The following MARCHF1 variants were observed in gnomAD, a reference collection of about 807,000 sequenced individuals.
MARCHF1 encodes the protein membrane associated ring-CH-type finger 1.
In MARCHF1, 40 loss-of-function variants were observed where a neutral mutation model predicts 54.2. That is an observed-to-expected ratio of 0.74 (90% CI 0.57 to 0.96). The LOEUF is 0.96. Among genes scored for constraint, MARCHF1 ranks in the 40% least tolerant of loss-of-function variants. The pLI, the probability that MARCHF1 is intolerant of heterozygous loss-of-function variation, is 0.00. For missense variants in MARCHF1, 586 were observed against 656.5 expected (o/e 0.89, Z 1.17); for synonymous variants, 236 against 236.3 (o/e 1.00, Z 0.01).
intron 3 of MARCHF1, among the ~76,000 whole-genome samples, chr4:163,885,556 T>A (rs1750511426): frequency 6.6e-6 from 1 of 152,146 alleles, no homozygotes; most frequent in African/African-American, 2.4e-5. Context: ...TTGAAAGATG[T>A]TTCCTGTCCT....
chr4:164,349,171 G>A (rs958666874), intron 1 of MARCHF1, among the ~76,000 whole-genome samples: 1 of 152,118 alleles, frequency 6.6e-6, no homozygotes, highest in Non-Finnish European at 1.5e-5. Context: ...GATCTGCCCT[G>A]ACTCATAAGT....
At chr4:163,797,455 C>T (rs930254403) in intron 4 of MARCHF1, among the ~76,000 whole-genome samples, 4 of 151,882 alleles carry the variant, frequency 2.6e-5, no homozygotes, top group African/African-American at 7.3e-5. Flanking sequence ...AATATTATCT[C>T]TTCAAGTATT....
chr4:163,950,187 TCACAGTGCC>T (rs1448553013), intron 3 of MARCHF1, among the ~76,000 whole-genome samples: 1 of 152,146 alleles, frequency 6.6e-6, no homozygotes, highest in East Asian at 1.9e-4. Context: ...TAACTTGTCA[TCACAGTGCC>T]CACAGCACCC....
intron 4 of MARCHF1, among the ~76,000 whole-genome samples, chr4:163,759,114 T>C (rs941309952): frequency 1.3e-5 from 2 of 152,138 alleles, no homozygotes; most frequent in Admixed American, 1.3e-4. Context: ...TCACTTTTTT[T>C]TTTCCTACAT....
At chr4:164,244,421 C>T (rs1243414771) in intron 1 of MARCHF1, among the ~76,000 whole-genome samples, 3 of 151,252 alleles carry the variant, frequency 2.0e-5, no homozygotes, top group South Asian at 2.1e-4. Flanking sequence ...AGAACAAAGA[C>T]ACAACATACC....
At chr4:164,026,200 A>G (rs907190373) in intron 2 of MARCHF1, among the ~76,000 whole-genome samples, 2 of 152,114 alleles carry the variant, frequency 1.3e-5, no homozygotes, top group Non-Finnish European at 2.9e-5. Context: ...ATTCCAAAAA[A>G]CTGAGAAGTA....
intron 1 of MARCHF1, among the ~76,000 whole-genome samples, chr4:164,347,992 T>A (rs1321998445): frequency 6.6e-6 from 1 of 152,166 alleles, no homozygotes. Context: ...TATCAGACTT[T>A]AAAAATTTAG....
intron 1 of MARCHF1, among the ~76,000 whole-genome samples, chr4:164,191,859 A>G (rs1174535898): frequency 6.6e-6 from 1 of 152,154 alleles, no homozygotes; most frequent in African/African-American, 2.4e-5. Flanking sequence ...TTCATGATAA[A>G]TATTTAGTAT....
chr4:163,776,445 G>T (rs1031012722), intron 4 of MARCHF1, among the ~76,000 whole-genome samples: 15 of 151,652 alleles, frequency 9.9e-5, no homozygotes, highest in Non-Finnish European at 1.9e-4. Context: ...ATTTACCAGA[G>T]TAACATATGG....
At chr4:164,050,604 C>A (rs1006312570) in intron 2 of MARCHF1, among the ~76,000 whole-genome samples, 1 of 152,100 alleles carries the variant, frequency 6.6e-6, no homozygotes, top group Non-Finnish European at 1.5e-5. Flanking sequence ...CATTAGCATC[C>A]CCTGGAAGAT....
intron 1 of MARCHF1, among the ~76,000 whole-genome samples, chr4:164,230,404 A>G (rs1732383925): frequency 6.6e-6 from 1 of 151,914 alleles, no homozygotes; most frequent in African/African-American, 2.4e-5. Context: ...TCAAAAAAAA[A>G]AAAAAGATAT....
chr4:163,932,352 C>T (rs907034552), intron 3 of MARCHF1, among the ~76,000 whole-genome samples: 1 of 152,172 alleles, frequency 6.6e-6, no homozygotes, highest in African/African-American at 2.4e-5. Flanking sequence ...AGCATTTTAC[C>T]CACAGTAGAA....
intron 5 of MARCHF1, among the ~76,000 whole-genome samples, chr4:163,619,922 T>G (rs1372770894): frequency 6.6e-6 from 1 of 152,024 alleles, no homozygotes; most frequent in South Asian, 2.1e-4. Flanking sequence ...AATAAAAACT[T>G]CTAATTTATA....
At chr4:163,975,057 C>T (rs776815197) in intron 3 of MARCHF1, among the ~76,000 whole-genome samples, 2 of 152,054 alleles carry the variant, frequency 1.3e-5, no homozygotes, top group Admixed American at 1.3e-4. Context: ...CTCAGTCTTG[C>T]CAGCTTTTGG....
chr4:163,844,117 C>G (rs1749419206), intron 4 of MARCHF1, among the ~76,000 whole-genome samples: 1 of 152,048 alleles, frequency 6.6e-6, no homozygotes, highest in Non-Finnish European at 1.5e-5. Context: ...TCCTGATCCT[C>G]TCCCTACCCC....
At chr4:164,307,628 C>G (rs1734731809) in intron 1 of MARCHF1, among the ~76,000 whole-genome samples, 1 of 152,052 alleles carries the variant, frequency 6.6e-6, no homozygotes, top group Non-Finnish European at 1.5e-5. Flanking sequence ...ATCCCAATTA[C>G]AAATAATTCA....
chr4:163,703,609 C>A (rs1744868330), intron 4 of MARCHF1, among the ~76,000 whole-genome samples: 1 of 152,078 alleles, frequency 6.6e-6, no homozygotes, highest in African/African-American at 2.4e-5. Flanking sequence ...ATTATAGTGA[C>A]CTTGTAGGTC....
Position 164,138,077 on chromosome 4 carries a change from T to C in MARCHF1, c.-322-26415A>G, listed in dbSNP as rs181507804. ...GCTGTTTAGGGTCAAATTATCACAG[T>C]GGACCCCAGCAGCCAGTGAGCTGTT... is the stretch of plus-strand genomic sequence containing the variant. On this transcript the variant is annotated intron_variant, in intron 1 of 9. Coordinates refer to ENST00000514618, the MANE Select transcript of MARCHF1 (RefSeq NM_001394959.1). Among the ~76,000 whole-genome samples the C allele has an allele frequency of 2.6e-5, 4 of 152,264 alleles. No homozygotes were observed. The East Asian group carries it at 7.7e-4, about 29-fold the overall frequency.
In MARCHF1 at chr4:163,727,831, C is replaced by A. The variant is rs376718428; in HGVS notation, c.112-26968G>T. Reference sequence around the variant, plus strand: ...GGGACTACAGGTGCATGCCACCATGCTCGGGTATTTTTATTGTTTTATTTT... The same window carrying A: ...GGGACTACAGGTGCATGCCACCATGATCGGGTATTTTTATTGTTTTATTTT... On this transcript the variant is annotated intron_variant, in intron 4 of 9. Transcript: ENST00000514618. Among the ~76,000 whole-genome samples, 7 of 152,096 alleles carry A rather than the reference C, an allele frequency of 4.6e-5. No individual in the cohort carries two copies. The South Asian group carries it at 1.5e-3, about 32-fold the overall frequency.
Sources: allele counts gnomAD v4.1 joint callset (sites outside exome capture counted in the v4.1 genomes callset), GRCh38; gene constraint gnomAD v4.1.1; transcripts MANE v1.5; gene names NCBI Gene and HGNC (gene_info 2026-07-23, HGNC 2026-07-21).